Variants in TAFA1 observed in about 807,000 individuals in gnomAD.
TAFA1 encodes the protein chemokine-like protein TAFA-1.
TAFA1 carries 4 observed loss-of-function variants against 18.5 expected under a neutral mutation model. That is an observed-to-expected ratio of 0.22 (90% confidence interval 0.11 to 0.49). TAFA1 has a LOEUF of 0.49. Ranked by LOEUF, TAFA1 falls within the 20% of genes least tolerant of loss-of-function variation. The probability of loss-of-function intolerance (pLI) is 0.98; values close to 1 mark genes in which losing one functional copy is unlikely to be tolerated. For synonymous variants in TAFA1, 56 were observed against 55.2 expected (o/e 1.01, Z -0.06); for missense variants, 147 against 169.0 (o/e 0.87, Z 0.72).
At chr3:68,225,459 G>T (rs1350186384) in intron 2 of TAFA1, among the ~76,000 whole-genome samples, 18 of 152,134 alleles carry the variant, frequency 1.2e-4, no homozygotes, top group Admixed American at 1.2e-3. Context: ...GCCTGTGGTG[G>T]AAATATGGTG....
chr3:68,065,982 A>G (rs2064673266), intron 2 of TAFA1, among the ~76,000 whole-genome samples: 1 of 152,126 alleles, frequency 6.6e-6, no homozygotes, highest in Non-Finnish European at 1.5e-5. Context: ...TGCCAGACAA[A>G]AATGTGTACA....
chr3:68,405,307 T>C (rs1184980397), intron 2 of TAFA1, among the ~76,000 whole-genome samples: 1 of 151,992 alleles, frequency 6.6e-6, no homozygotes, highest in Non-Finnish European at 1.5e-5. Flanking sequence ...TATCATTAAA[T>C]AAATGTTATA....
intron 2 of TAFA1, among the ~76,000 whole-genome samples, chr3:68,371,466 A>T (rs1234584723): frequency 6.6e-6 from 1 of 152,158 alleles, no homozygotes; most frequent in Non-Finnish European, 1.5e-5. Context: ...TGTGAGCAAG[A>T]ACATGAGGTG....
chr3:68,042,951 G>C (rs1442849107), intron 2 of TAFA1, among the ~76,000 whole-genome samples: 4 of 151,946 alleles, frequency 2.6e-5, no homozygotes. Context: ...GCAGTGGCAC[G>C]GTCTCGGCTC....
intron 2 of TAFA1, among the ~76,000 whole-genome samples, chr3:68,241,048 A>G (rs562106044): frequency 1.3e-5 from 2 of 152,308 alleles, no homozygotes; most frequent in Admixed American, 1.3e-4. Context: ...CACTATAGAT[A>G]TAAATCGTCA....
At chr3:68,529,117 T>G (rs549965889) in intron 3 of TAFA1, among the ~76,000 whole-genome samples, 29 of 152,058 alleles carry the variant, frequency 1.9e-4, no homozygotes, top group African/African-American at 7.0e-4. Flanking sequence ...TTAATCCTAC[T>G]GTTAAGGAGT....
At chr3:68,096,972 A>C (rs2065093838) in intron 2 of TAFA1, among the ~76,000 whole-genome samples, 1 of 152,116 alleles carries the variant, frequency 6.6e-6, no homozygotes. Flanking sequence ...CAGCAGGTAA[A>C]ATGGTATCTG....
chr3:68,021,879 G>A (rs946904747), intron 2 of TAFA1, among the ~76,000 whole-genome samples: 1 of 152,052 alleles, frequency 6.6e-6, no homozygotes, highest in African/African-American at 2.4e-5. Context: ...TACATGACAG[G>A]CATTAGCTCT....
chr3:68,536,102 T>A (rs1344263648), intron 3 of TAFA1, among the ~76,000 whole-genome samples: 1 of 152,192 alleles, frequency 6.6e-6, no homozygotes, highest in African/African-American at 2.4e-5. Flanking sequence ...ATTCCTCACA[T>A]AAAAGTTCTT....
intron 3 of TAFA1, among the ~76,000 whole-genome samples, chr3:68,440,097 G>C (rs377281887): frequency 6.6e-6 from 1 of 151,956 alleles, no homozygotes; most frequent in African/African-American, 2.4e-5. Flanking sequence ...ACATGGCATG[G>C]GAGAAACTGG....
At chr3:68,151,997 T>C (rs2065812333) in intron 2 of TAFA1, among the ~76,000 whole-genome samples, 2 of 152,210 alleles carry the variant, frequency 1.3e-5, no homozygotes, top group African/African-American at 4.8e-5. Context: ...ATAGGCACTG[T>C]GGTAAATTCT....
At chr3:68,475,087 G>C (rs547695100) in intron 3 of TAFA1, among the ~76,000 whole-genome samples, 1 of 152,022 alleles carries the variant, frequency 6.6e-6, no homozygotes, top group Non-Finnish European at 1.5e-5. Flanking sequence ...GGTCAGATGT[G>C]AAACGATTCC....
At chr3:68,207,894 A>T (rs1220287130) in intron 2 of TAFA1, among the ~76,000 whole-genome samples, 1 of 151,934 alleles carries the variant, frequency 6.6e-6, no homozygotes, top group East Asian at 1.9e-4. Flanking sequence ...CAGTAAATAA[A>T]GAACGCTTCC....
At chr3:68,045,684 G>A (rs1260065806) in intron 2 of TAFA1, among the ~76,000 whole-genome samples, 1 of 152,174 alleles carries the variant, frequency 6.6e-6, no homozygotes, top group Non-Finnish European at 1.5e-5. Context: ...TTCTGAGCTT[G>A]ATTGATTATG....
intron 2 of TAFA1, among the ~76,000 whole-genome samples, chr3:68,090,773 G>A (rs2065021924): frequency 6.6e-6 from 1 of 152,146 alleles, no homozygotes; most frequent in Non-Finnish European, 1.5e-5. Flanking sequence ...AATCTGCCCA[G>A]CTGAGAGAAG....
chr3:68,060,640 C>A (rs2064591135), intron 2 of TAFA1, among the ~76,000 whole-genome samples: 1 of 152,126 alleles, frequency 6.6e-6, no homozygotes, highest in Non-Finnish European at 1.5e-5. Context: ...ATTACTCTGG[C>A]CCCTGTGAAT....
chr3:68,480,262 G>A (rs1199460964), intron 3 of TAFA1, among the ~76,000 whole-genome samples: 3 of 151,780 alleles, frequency 2.0e-5, no homozygotes, highest in East Asian at 3.9e-4. Context: ...AATTAGCCAG[G>A]CATGTTGGCA....
chr3:68,008,560 C>A (rs943366684), intron 2 of TAFA1, among the ~76,000 whole-genome samples: 15 of 152,072 alleles, frequency 9.9e-5, no homozygotes, highest in South Asian at 2.1e-4. Flanking sequence ...TTGTCTGAGG[C>A]CACACAGGGA....
intron 3 of TAFA1, among the ~76,000 whole-genome samples, chr3:68,508,671 T>C (rs539975230): frequency 6.6e-6 from 1 of 152,096 alleles, no homozygotes; most frequent in African/African-American, 2.4e-5. Flanking sequence ...GAAACTTACA[T>C]TCTTATGAGG....
Sources: gnomAD v4.1 joint callset for allele counts (sites outside exome capture counted in the v4.1 genomes callset) on GRCh38, gnomAD v4.1.1 for gene constraint, MANE v1.5 for transcripts, NCBI Gene and HGNC (gene_info 2026-07-23, HGNC 2026-07-21) for gene names.